Variants in SLC35D4 observed in about 807,000 individuals in gnomAD.
SLC35D4 encodes solute carrier family 35 member D4.
chr18:23,401,032 G>T, the SLC35D4 span, among the ~76,000 whole-genome samples: 1 of 152,066 alleles, frequency 6.6e-6, no homozygotes, highest in Admixed American at 6.6e-5. Context: ...GCACTTTGCT[G>T]GTTTTTTCTT....
chr18:23,363,364 A>ATTTTTTTTT, the SLC35D4 span, among the ~76,000 whole-genome samples: 6 of 90,458 alleles, frequency 6.6e-5, no homozygotes, highest in East Asian at 3.1e-4. Flanking sequence ...ACAAAAGCAC[A>ATTTTTTTTT]TTTTTTTTTT....
At chr18:23,242,293 TG>T in the SLC35D4 span, among the ~76,000 whole-genome samples, 14 of 152,078 alleles carry the variant, frequency 9.2e-5, no homozygotes, top group African/African-American at 3.4e-4. Flanking sequence ...AAAAAATTCC[TG>T]GGGCAGGTGT....
chr18:23,268,282 T>C, the SLC35D4 span, among the ~76,000 whole-genome samples: 2 of 152,180 alleles, frequency 1.3e-5, no homozygotes, highest in Non-Finnish European at 1.5e-5. Flanking sequence ...GATCTGGGCT[T>C]TGAGAGATTA....
At chr18:23,421,585 A>C in the SLC35D4 span, 2 of 671,998 alleles carry the variant, frequency 3.0e-6, no homozygotes, top group South Asian at 1.8e-5. Context: ...TCTCCCAATT[A>C]TCCCATTTCT....
At chr18:23,299,094 G>C in the SLC35D4 span, among the ~76,000 whole-genome samples, 1 of 152,228 alleles carries the variant, frequency 6.6e-6, no homozygotes, top group Non-Finnish European at 1.5e-5. Context: ...CTATGAGTGA[G>C]AATATAAAAA....
At chr18:23,357,805 G>T in the SLC35D4 span, among the ~76,000 whole-genome samples, 1 of 152,168 alleles carries the variant, frequency 6.6e-6, no homozygotes, top group South Asian at 2.1e-4. Flanking sequence ...AATTATGACT[G>T]TTATTTTCTT....
At chr18:23,422,859 G>C in the SLC35D4 span, among the ~76,000 whole-genome samples, 1 of 152,044 alleles carries the variant, frequency 6.6e-6, no homozygotes, top group Admixed American at 6.6e-5. Context: ...AAATGAGTGA[G>C]AGGGACAGCT....
the SLC35D4 span, among the ~76,000 whole-genome samples, chr18:23,254,875 G>C: frequency 6.6e-6 from 1 of 152,188 alleles, no homozygotes; most frequent in African/African-American, 2.4e-5. Context: ...ACGAATTTGG[G>C]GGGACACAAA....
the SLC35D4 span, among the ~76,000 whole-genome samples, chr18:23,323,994 A>G: frequency 1.3e-5 from 2 of 151,840 alleles, no homozygotes; most frequent in African/African-American, 4.8e-5. Context: ...GAGGCAGGAG[A>G]ATCACTTGAA....
At chr18:23,304,382 T>C in the SLC35D4 span, among the ~76,000 whole-genome samples, 1 of 147,700 alleles carries the variant, frequency 6.8e-6, no homozygotes, top group Non-Finnish European at 1.5e-5. Context: ...TATATTTATA[T>C]AACATATCAT....
the SLC35D4 span, chr18:23,421,474 C>A: frequency 6.2e-7 from 1 of 1,608,572 alleles, no homozygotes; most frequent in Non-Finnish European, 8.5e-7. Context: ...ATGTGAATTT[C>A]ATAGAGTGCT....
the SLC35D4 span, among the ~76,000 whole-genome samples, chr18:23,389,886 A>G: frequency 2.6e-3 from 397 of 152,268 alleles, 1 homozygote; most frequent in South Asian, 7.9e-3. Flanking sequence ...CTAACTCTGT[A>G]CAATTCCTAA....
the SLC35D4 span, among the ~76,000 whole-genome samples, chr18:23,316,961 A>G: frequency 6.6e-6 from 1 of 152,186 alleles, no homozygotes; most frequent in African/African-American, 2.4e-5. Context: ...AAGAAACTGA[A>G]GCTCACAGAG....
the SLC35D4 span, among the ~76,000 whole-genome samples, chr18:23,276,246 T>C: frequency 7.9e-5 from 12 of 151,932 alleles, no homozygotes; most frequent in Middle Eastern, 3.4e-3. Flanking sequence ...CACCAAAACG[T>C]CCGGCTAATT....
chr18:23,256,686 T>C, the SLC35D4 span, among the ~76,000 whole-genome samples: 1 of 152,134 alleles, frequency 6.6e-6, no homozygotes, highest in South Asian at 2.1e-4. Flanking sequence ...GGTTTCACCA[T>C]GTTGCCCAGG....
chr18:23,357,587 T>C, the SLC35D4 span, among the ~76,000 whole-genome samples: 1 of 152,196 alleles, frequency 6.6e-6, no homozygotes, highest in Non-Finnish European at 1.5e-5. Flanking sequence ...GGGAGAGGGC[T>C]GATTTTCCTA....
chr18:23,361,321 C>T, the SLC35D4 span, among the ~76,000 whole-genome samples: 2 of 152,054 alleles, frequency 1.3e-5, no homozygotes, highest in Non-Finnish European at 1.5e-5. Context: ...CCACTGCAGA[C>T]GTTCTAGATA....
the SLC35D4 span, chr18:23,371,323 G>T: frequency 1.0e-6 from 1 of 964,918 alleles, no homozygotes; most frequent in Non-Finnish European, 1.5e-6. Flanking sequence ...TTCCATTCCT[G>T]GGCCCAAGGG....
chr18:23,408,600 T>C, the SLC35D4 span, among the ~76,000 whole-genome samples: 1 of 152,160 alleles, frequency 6.6e-6, no homozygotes, highest in Admixed American at 6.6e-5. Context: ...AAAAAATGCC[T>C]ACATCCCACA....
Sources: allele counts gnomAD v4.1 joint callset (sites outside exome capture counted in the v4.1 genomes callset), GRCh38; gene constraint gnomAD v4.1.1; transcripts MANE v1.5; gene names NCBI Gene and HGNC (gene_info 2026-07-23, HGNC 2026-07-21).